PTER: variants seen among roughly 807,000 people sequenced by gnomAD.
The protein encoded by PTER is phosphotriesterase related, also known as N-acetyltaurine hydrolase.
PTER carries 38 observed loss-of-function variants against 29.6 expected under a neutral mutation model. The observed-to-expected ratio is 1.28, with a 90% CI of 0.99 to 1.68. The LOEUF (loss-of-function observed/expected upper bound fraction) is 1.68, where lower values mean the gene tolerates loss of function less well. Ranked by LOEUF, PTER falls within the 40% of genes most tolerant of loss-of-function variation. PTER has a pLI of 0.00. For synonymous variants in PTER, 172 were observed against 154.5 expected (o/e 1.11, Z -0.84); for missense variants, 482 against 427.8 (o/e 1.13, Z -1.12).
chr10:16,469,986 C>G (rs888695145), intron 1 of PTER, among the ~76,000 whole-genome samples: 1 of 151,796 alleles, frequency 6.6e-6, no homozygotes, highest in Non-Finnish European at 1.5e-5. Context: ...TGTAAATTAC[C>G]GAGTGCTGGG....
At chr10:16,454,827 GATA>G (rs796425951) in intron 1 of PTER, among the ~76,000 whole-genome samples, 15 of 151,686 alleles carry the variant, frequency 9.9e-5, no homozygotes, top group South Asian at 6.2e-4. Context: ...ATAATAAACT[GATA>G]ATAAGTACTA....
rs951499229 is a variant in PTER at position 16,507,251 on chromosome 10, G to GTA, written c.839+2101_839+2102dup. Among the ~76,000 whole-genome samples, 29 of 149,530 alleles carry GTA rather than the reference G, an allele frequency of 1.9e-4. No homozygotes were observed. The South Asian group carries it at 2.5e-3, about 13-fold the overall frequency. On this transcript the variant is annotated intron_variant, in intron 4 of 4. Coordinates refer to ENST00000535784, the MANE Select transcript of PTER (RefSeq NM_001261836.2). ...AAATATATATACTGTATGTGTATGT[G>GTA]TATATATATATGTGTGTGTGTATAT...
chr10:16,464,642 A>G (rs1834741896), intron 1 of PTER, among the ~76,000 whole-genome samples: 1 of 152,116 alleles, frequency 6.6e-6, no homozygotes, highest in African/African-American at 2.4e-5. Context: ...CCTTTACGGG[A>G]TGCTTTAAAG....
chr10:16,510,752 A>T (rs1836777967), intron 4 of PTER, among the ~76,000 whole-genome samples: 1 of 152,178 alleles, frequency 6.6e-6, no homozygotes, highest in Non-Finnish European at 1.5e-5. Flanking sequence ...CATTCATCCA[A>T]ACTGGCACAT....
chr10:16,481,163 G>A (rs1416276600), intron 1 of PTER, among the ~76,000 whole-genome samples: 1 of 152,214 alleles, frequency 6.6e-6, no homozygotes, highest in East Asian at 1.9e-4. Flanking sequence ...CCATGTGTTT[G>A]TAGCTCTGGC....
chr10:16,507,583 T>G (rs1336669823), intron 4 of PTER, among the ~76,000 whole-genome samples: 1 of 152,216 alleles, frequency 6.6e-6, no homozygotes, highest in African/African-American at 2.4e-5. Flanking sequence ...AAGTCACATT[T>G]ACGTCTGTAT....
In PTER at chr10:16,486,374, A is replaced by C. The variant is rs758472526; in HGVS notation, c.455A>C (p.Glu152Ala). 2 of 1,613,876 alleles carry C rather than the reference A, an allele frequency of 1.2e-6. No homozygotes were observed. Among genetic ancestry groups the C allele is most frequent in the Admixed American group, 3.3e-5 (2 of 60,006 alleles). The change falls in exon 3 of 5, where the codon GAA becomes GCA. Residue 152 changes from glutamate to alanine, a missense_variant. Transcript: ENST00000535784. The stretch of plus-strand genomic sequence containing the variant: ...TAGCTTACCGATGTCCTTATGAATG[A>C]AATTCTCCATGGAGCTGATGGAACC... ...VEQLTDVLMN[E>A]ILHGADGTSI...
At chr10:16,479,019 A>G (rs1035326254) in intron 1 of PTER, among the ~76,000 whole-genome samples, 17 of 152,056 alleles carry the variant, frequency 1.1e-4, no homozygotes, top group Admixed American at 2.6e-4. Context: ...CGTCACTGCC[A>G]TAGTCCTCGT....
intron 1 of PTER, among the ~76,000 whole-genome samples, chr10:16,470,167 T>C (rs113206736): frequency 0.011 from 1,704 of 152,304 alleles, 31 homozygotes; most frequent in African/African-American, 0.039. Flanking sequence ...GGGGCAAGTT[T>C]CTTAACTTTT....
intron 1 of PTER, among the ~76,000 whole-genome samples, chr10:16,454,740 C>T (rs1834333255): frequency 6.6e-6 from 1 of 151,834 alleles, no homozygotes; most frequent in Non-Finnish European, 1.5e-5. Flanking sequence ...TACATTTAAA[C>T]ATTCCAAGTT....
At chr10:16,449,208 C>T (rs1351735929) in intron 1 of PTER, among the ~76,000 whole-genome samples, 1 of 152,124 alleles carries the variant, frequency 6.6e-6, no homozygotes, top group Non-Finnish European at 1.5e-5. Flanking sequence ...TTTGGCCTTT[C>T]CCAGCATAGT....
chr10:16,441,719 G>A (rs1833856054), intron 1 of PTER, among the ~76,000 whole-genome samples: 1 of 152,190 alleles, frequency 6.6e-6, no homozygotes, highest in Non-Finnish European at 1.5e-5. Context: ...GTTGTTCGGG[G>A]CATGACCGAA....
chr10:16,499,372 T>C (rs1418401612), intron 3 of PTER, among the ~76,000 whole-genome samples: 1 of 152,274 alleles, frequency 6.6e-6, no homozygotes, highest in East Asian at 1.9e-4. Context: ...CAGTTTGCTT[T>C]GTCAATAAGA....
At chr10:16,452,103 T>C (rs1834230388) in intron 1 of PTER, among the ~76,000 whole-genome samples, 1 of 151,940 alleles carries the variant, frequency 6.6e-6, no homozygotes, top group Non-Finnish European at 1.5e-5. Flanking sequence ...ACTTTCTTTT[T>C]TCTAAAACAC....
intron 1 of PTER, among the ~76,000 whole-genome samples, chr10:16,463,442 G>A (rs149900029): frequency 4.6e-5 from 7 of 152,046 alleles, no homozygotes; most frequent in South Asian, 2.1e-4. Flanking sequence ...ACCAAGTCTC[G>A]CTCTTATCAC....
At chr10:16,500,574 A>G (rs1352511018) in intron 3 of PTER, among the ~76,000 whole-genome samples, 4 of 152,142 alleles carry the variant, frequency 2.6e-5, no homozygotes, top group Non-Finnish European at 5.9e-5. Context: ...TGAAACTTAC[A>G]TGTGTGGATG....
intron 3 of PTER, among the ~76,000 whole-genome samples, chr10:16,499,750 A>G (rs1275729352): frequency 6.6e-6 from 1 of 151,406 alleles, no homozygotes; most frequent in African/African-American, 2.4e-5. Context: ...AGCTGAATTC[A>G]TTTCTTAATT....
At chr10:16,456,867 G>GGGC (rs375861457) in intron 1 of PTER, among the ~76,000 whole-genome samples, 1 of 148,964 alleles carries the variant, frequency 6.7e-6, no homozygotes, top group Admixed American at 6.8e-5. Context: ...GAAGGTGGGG[G>GGGC]GGGGTTCCGC....
chr10:16,510,883 C>T (rs544638212), intron 4 of PTER, among the ~76,000 whole-genome samples, 163 bp from the exon 5 acceptor site: 2 of 152,276 alleles, frequency 1.3e-5, no homozygotes, highest in South Asian at 2.1e-4. Flanking sequence ...ATATTTTTAT[C>T]GTCACCACAC....
Sources: allele counts gnomAD v4.1 joint callset (sites outside exome capture counted in the v4.1 genomes callset), GRCh38; gene constraint gnomAD v4.1.1; transcripts MANE v1.5; gene names NCBI Gene and HGNC (gene_info 2026-07-23, HGNC 2026-07-21).